The following ADK variants were observed in gnomAD, a reference collection of about 807,000 sequenced individuals.
ADK encodes N6,N6-dimethyladenosine kinase.
ADK carries 24 observed loss-of-function variants against 44.7 expected under a neutral mutation model. That is an observed-to-expected ratio of 0.54 (90% CI 0.39 to 0.76). The LOEUF is 0.76. Among genes scored for constraint, ADK ranks in the 30% least tolerant of loss-of-function variants. The pLI, the probability that ADK is intolerant of heterozygous loss-of-function variation, is 0.00. For missense variants in ADK, 321 were observed against 425.1 expected (o/e 0.76, Z 2.15); for synonymous variants, 128 against 142.6 (o/e 0.90, Z 0.73).
intron 8 of ADK, among the ~76,000 whole-genome samples, chr10:74,589,638 A>G (rs1851649128): frequency 1.3e-5 from 2 of 152,172 alleles, no homozygotes; most frequent in South Asian, 2.1e-4. Flanking sequence ...TTAAAAAGCT[A>G]CCTCATTAGC....
Position 74,494,024 on chromosome 10 carries a change from T to C in ADK, c.556-31232T>C, listed in dbSNP as rs1847591385. ...ATAGGAGAGAAACTTAGAGACATGG[T>C]AAATTAAGTTTTGATTTAGTATACT... On this transcript the variant is annotated intron_variant, in intron 6 of 10. Transcript: ENST00000539909. Among the ~76,000 whole-genome samples the C allele has an allele frequency of 2.6e-5, 4 of 152,164 alleles. No homozygotes were observed. In the South Asian group the frequency reaches 8.3e-4, roughly 32 times the overall value.
intron 9 of ADK, among the ~76,000 whole-genome samples, chr10:74,663,063 CT>C (rs1410131225): frequency 6.6e-6 from 1 of 151,786 alleles, no homozygotes; most frequent in Non-Finnish European, 1.5e-5. Flanking sequence ...TGATGAAACC[CT>C]ATCTCTACTA....
chr10:74,469,429 A>G (rs1361239326), intron 6 of ADK, among the ~76,000 whole-genome samples: 1 of 152,142 alleles, frequency 6.6e-6, no homozygotes, highest in Non-Finnish European at 1.5e-5. Context: ...AGTGCATAGC[A>G]TAGCTCACTG....
chr10:74,474,023 T>A (rs1379879126), intron 6 of ADK, among the ~76,000 whole-genome samples: 3 of 152,244 alleles, frequency 2.0e-5, no homozygotes, highest in Non-Finnish European at 4.4e-5. Flanking sequence ...AACTATGGTG[T>A]TCTAATGGTG....
At chr10:74,420,692 GTTAA>G (rs1844526709) in intron 6 of ADK, among the ~76,000 whole-genome samples, 1 of 151,996 alleles carries the variant, frequency 6.6e-6, no homozygotes, top group Non-Finnish European at 1.5e-5. Context: ...CCACGAAAAA[GTTAA>G]TTAAAGAATT....
intron 1 of ADK, among the ~76,000 whole-genome samples, chr10:74,190,270 G>A (rs1842915129): frequency 6.6e-6 from 1 of 152,206 alleles, no homozygotes; most frequent in Non-Finnish European, 1.5e-5. Context: ...TTCGCTGAGA[G>A]GCTCTGTGTG....
At chr10:74,622,473 G>A (rs1853029028) in intron 9 of ADK, among the ~76,000 whole-genome samples, 2 of 151,870 alleles carry the variant, frequency 1.3e-5, no homozygotes, top group Admixed American at 1.3e-4. Flanking sequence ...TCTGGGAATT[G>A]GTTTACTACA....
rs1844315492 is a variant in ADK, at chr10:74,414,874, T to C, written c.555+16295T>C. ...GAAAGACTTTCTCCAAATTGGAGAATGTACTCTTTTATTCCTGTAATTTTT... is the reference window on the plus strand; with the variant it reads ...GAAAGACTTTCTCCAAATTGGAGAACGTACTCTTTTATTCCTGTAATTTTT... On this transcript the variant is annotated intron_variant, in intron 6 of 10. Coordinates refer to ENST00000539909, the MANE Select transcript of ADK (RefSeq NM_006721.4). 3.9e-5 allele frequency among the ~76,000 whole-genome samples: 6 copies of C among 152,330 alleles called. No individual in the cohort carries two copies. In the South Asian group the frequency reaches 1.2e-3, roughly 32 times the overall value.
At chr10:74,290,951 T>G (rs1284697330) in intron 3 of ADK, among the ~76,000 whole-genome samples, 2 of 152,204 alleles carry the variant, frequency 1.3e-5, no homozygotes, top group African/African-American at 2.4e-5. Flanking sequence ...ATGGGCTGCT[T>G]CTTGCTTTTA....
intron 3 of ADK, among the ~76,000 whole-genome samples, chr10:74,274,743 TATATACAC>T (rs1319192053): frequency 3.1e-5 from 4 of 127,476 alleles, no homozygotes; most frequent in Non-Finnish European, 5.1e-5. Context: ...TATATATATA[TATATACAC>T]ACACACATTA....
At chr10:74,472,173 A>C (rs950098488) in intron 6 of ADK, among the ~76,000 whole-genome samples, 3 of 152,132 alleles carry the variant, frequency 2.0e-5, no homozygotes, top group African/African-American at 7.2e-5. Context: ...ACTGCACTCC[A>C]GTCTGGGTGA....
At chr10:74,435,457 C>T (rs1845151287) in intron 6 of ADK, among the ~76,000 whole-genome samples, 1 of 151,982 alleles carries the variant, frequency 6.6e-6, no homozygotes, top group African/African-American at 2.4e-5. Context: ...TATTTTCATG[C>T]CCAGTTCTAT....
At chr10:74,349,625 G>A (rs1841890613) in intron 4 of ADK, among the ~76,000 whole-genome samples, 1 of 152,108 alleles carries the variant, frequency 6.6e-6, no homozygotes, top group South Asian at 2.1e-4. Flanking sequence ...CTGGCAAATT[G>A]GATGAAGAGT....
At chr10:74,566,022 G>C (rs1850655586) in intron 7 of ADK, among the ~76,000 whole-genome samples, 1 of 151,912 alleles carries the variant, frequency 6.6e-6, no homozygotes, top group Admixed American at 6.6e-5. Flanking sequence ...TTTTATTGTG[G>C]TATTAATTCT....
At chr10:74,443,848 G>T (rs1592222853) in intron 6 of ADK, among the ~76,000 whole-genome samples, 2 of 152,132 alleles carry the variant, frequency 1.3e-5, no homozygotes, top group African/African-American at 2.4e-5. Flanking sequence ...TTAGATGGGG[G>T]CATGTAACCT....
At chr10:74,202,194 A>G (rs1271003016) in intron 2 of ADK, among the ~76,000 whole-genome samples, 1 of 152,180 alleles carries the variant, frequency 6.6e-6, no homozygotes, top group Non-Finnish European at 1.5e-5. Flanking sequence ...ATATAATAAT[A>G]TATGATCTTT....
chr10:74,642,334 T>C (rs1853882196), intron 9 of ADK, among the ~76,000 whole-genome samples: 1 of 151,198 alleles, frequency 6.6e-6, no homozygotes, highest in Non-Finnish European at 1.5e-5. Context: ...TTTTTTTTCC[T>C]GGCTTACATT....
chr10:74,531,375 T>C (rs1849284737), intron 7 of ADK, among the ~76,000 whole-genome samples: 2 of 152,244 alleles, frequency 1.3e-5, no homozygotes, highest in East Asian at 3.9e-4. Flanking sequence ...CTTTATGAAA[T>C]GGACAAATTT....
intron 1 of ADK, among the ~76,000 whole-genome samples, chr10:74,182,717 G>A (rs1199346995): frequency 6.6e-6 from 1 of 152,110 alleles, no homozygotes; most frequent in Non-Finnish European, 1.5e-5. Flanking sequence ...TTATGAATAG[G>A]TCACCTTTGT....
Sources: allele counts gnomAD v4.1 joint callset (sites outside exome capture counted in the v4.1 genomes callset), GRCh38; gene constraint gnomAD v4.1.1; transcripts MANE v1.5; gene names NCBI Gene and HGNC (gene_info 2026-07-23, HGNC 2026-07-21).